SNX10: variants seen among roughly 807,000 people sequenced by gnomAD.
SNX10 encodes the protein sorting nexin-10.
A neutral mutation model predicts 28.5 loss-of-function variants in SNX10; 25 were observed. That is an observed-to-expected ratio of 0.88 (90% CI 0.64 to 1.22). The LOEUF (loss-of-function observed/expected upper bound fraction) is 1.22, where lower values mean the gene tolerates loss of function less well. Among genes scored for constraint, SNX10 ranks in the 50% most tolerant of loss-of-function variants. SNX10 has a pLI of 0.00. For synonymous variants in SNX10, 62 were observed against 81.4 expected (o/e 0.76, Z 1.28); for missense variants, 223 against 242.6 (o/e 0.92, Z 0.54).
rs997313699 is a variant in SNX10, at chr7:26,372,592, T to C, written c.*20T>C. ...TCCTGAAAAATAATTCTAATGTTACTATCTTAGGAATAGCAAATTATGTCC... is the reference window on the plus strand; with the variant it reads ...TCCTGAAAAATAATTCTAATGTTACCATCTTAGGAATAGCAAATTATGTCC... On this transcript the variant is annotated 3_prime_UTR_variant, in exon 7 of 7. Coordinates refer to ENST00000338523, the MANE Select transcript of SNX10 (RefSeq NM_013322.3). 7.0e-7 allele frequency: 1 copy of C among 1,432,200 alleles called. No individual in the cohort carries two copies. Among genetic ancestry groups the C allele is most frequent in the Non-Finnish European group, 9.9e-7 (1 of 1,014,824 alleles). 88.7% of individuals were successfully genotyped at this position (1,432,200 alleles called of 1,614,324 possible).
At position 26,374,278 on chromosome 7, in the gene SNX10, A is replaced by G. The variant is rs1360205023; in HGVS notation, c.*1706A>G. The G allele has an allele frequency of 2.0e-5, 3 of 152,124 alleles. No homozygotes were observed. Among genetic ancestry groups the G allele is most frequent in the Non-Finnish European group, 4.4e-5 (3 of 67,930 alleles). The allele number at this position is 152,124 out of a possible 1,614,324, so 9.4% of individuals were successfully genotyped here. On this transcript the variant is annotated 3_prime_UTR_variant, in exon 7 of 7. Coordinates refer to ENST00000338523, the MANE Select transcript of SNX10 (RefSeq NM_013322.3). ...TAATATTATGTAATGCCTAATACTT[A>G]GTATGTAAATGTCACGAGATCATTT...
At chr7:26,329,668 TACCTGCTTGAGGA>T (rs1179252270) in intron 1 of SNX10, among the ~76,000 whole-genome samples, 1 of 152,196 alleles carries the variant, frequency 6.6e-6, no homozygotes, top group Non-Finnish European at 1.5e-5. Context: ...TGATACCGTG[TACCTGCTTGAGGA>T]ACCTGCTTGA....
At position 26,360,752 on chromosome 7, in the gene SNX10, G is replaced by A. The variant is rs935581663; in HGVS notation, c.25-223G>A. 3.6e-5 allele frequency: 42 copies of A among 1,179,374 alleles called. No homozygotes were observed. The African/African-American group carries it at 5.6e-4, about 16-fold the overall frequency. 73.1% of individuals were successfully genotyped at this position (1,179,374 alleles called of 1,614,324 possible). ...ACTATCCAGAAGTGCTCCCACCTCAGTGTTGCATTATTTTAAAAATTCCAT... is the reference window on the plus strand; with the variant it reads ...ACTATCCAGAAGTGCTCCCACCTCAATGTTGCATTATTTTAAAAATTCCAT... On this transcript the variant is annotated intron_variant, in intron 2 of 6. Transcript: ENST00000338523.
chr7:26,358,803 G>GTGTTTT (rs1363717784), intron 2 of SNX10, among the ~76,000 whole-genome samples: 3 of 82,956 alleles, frequency 3.6e-5, no homozygotes, highest in African/African-American at 1.7e-4. Context: ...GTGTTATCTT[G>GTGTTTT]TGTTTTTTTT....
chr7:26,323,495 G>A (rs74967244), intron 1 of SNX10, among the ~76,000 whole-genome samples: 5,461 of 152,152 alleles, frequency 0.036, 199 homozygotes, highest in East Asian at 0.21. Context: ...AAGGGACAGA[G>A]AGAAGACGAG....
At chr7:26,299,700 A>T (rs551168397) in intron 1 of SNX10, among the ~76,000 whole-genome samples, 1 of 152,012 alleles carries the variant, frequency 6.6e-6, no homozygotes, top group Non-Finnish European at 1.5e-5. Flanking sequence ...CTGGGATTAC[A>T]GGTGTGAGCC....
rs138931285 is a variant in SNX10, at chr7:26,341,191, A to G, written c.-23-5229A>G. Among the ~76,000 whole-genome samples, 237 of 152,182 alleles carry G rather than the reference A, an allele frequency of 1.6e-3. 8 individuals are homozygous for G. The East Asian group carries it at 0.041, about 26-fold the overall frequency. On this transcript the variant is annotated intron_variant, in intron 1 of 6. Transcript: ENST00000338523. ...GCTTGTTCCTGTAGTCTCGGCTGCT[A>G]GGGAGGCTGAGGTGGGAGGATCACT...
chr7:26,312,410 A>G, intron 1 of SNX10, among the ~76,000 whole-genome samples: 1 of 152,258 alleles, frequency 6.6e-6, no homozygotes, highest in Non-Finnish European at 1.5e-5. Context: ...CCCTAATACA[A>G]AAAGAACTCC....
At chr7:26,292,779 G>A (rs1047147267) in intron 1 of SNX10, among the ~76,000 whole-genome samples, 1 of 152,206 alleles carries the variant, frequency 6.6e-6, no homozygotes, top group African/African-American at 2.4e-5. Context: ...ATTAGAACGG[G>A]GAGGAGGCTT....
rs1789684231 is a variant in SNX10 at position 26,374,087 on chromosome 7, T to C, written c.*1515T>C. On this transcript the variant is annotated 3_prime_UTR_variant, in exon 7 of 7. Transcript: ENST00000338523. ...AAGATTTAGTAATTTCTTACCATGC[T>C]AATATGTAAAGTTCATGCCATCCAG... 1 of 152,100 alleles carries C rather than the reference T, an allele frequency of 6.6e-6. No individual in the cohort carries two copies. Among genetic ancestry groups the C allele is most frequent in the South Asian group, 2.1e-4 (1 of 4,836 alleles). 9.4% of individuals were successfully genotyped at this position (152,100 alleles called of 1,614,324 possible).
chr7:26,303,213 C>G (rs1786446681), intron 1 of SNX10, among the ~76,000 whole-genome samples: 1 of 152,198 alleles, frequency 6.6e-6, no homozygotes, highest in African/African-American at 2.4e-5. Context: ...TCAGCTGTTG[C>G]TGGTTTTAAA....
intron 1 of SNX10, among the ~76,000 whole-genome samples, chr7:26,324,333 G>T (rs1291887420): frequency 6.6e-6 from 1 of 152,122 alleles, no homozygotes; most frequent in African/African-American, 2.4e-5. Context: ...TATGGTTAAG[G>T]TGACCAGGAA....
chr7:26,315,489 A>C (rs1787044467), intron 1 of SNX10, among the ~76,000 whole-genome samples: 1 of 152,026 alleles, frequency 6.6e-6, no homozygotes, highest in Admixed American at 6.6e-5. Flanking sequence ...TAACATGGTG[A>C]AACCCCGTCT....
intron 1 of SNX10, among the ~76,000 whole-genome samples, chr7:26,324,103 C>A (rs1253735864): frequency 6.6e-6 from 1 of 152,072 alleles, no homozygotes; most frequent in Non-Finnish European, 1.5e-5. Context: ...TTAAAATGAT[C>A]CTGAAGCAGC....
intron 1 of SNX10, among the ~76,000 whole-genome samples, chr7:26,302,957 A>G (rs1048865209): frequency 6.6e-6 from 1 of 152,164 alleles, no homozygotes; most frequent in African/African-American, 2.4e-5. Context: ...AAACAAAAAC[A>G]AAAACAAAAA....
At chr7:26,301,019 C>CAAAA (rs1170123330) in intron 1 of SNX10, among the ~76,000 whole-genome samples, 3 of 9,990 alleles carry the variant, frequency 3.0e-4, no homozygotes, top group African/African-American at 5.5e-4. Context: ...ACTCTGTCTC[C>CAAAA]AAAAAAAAAA....
At chr7:26,365,014 C>A (rs375107569) in intron 4 of SNX10, 33 bp from the exon 5 acceptor site, 2 of 1,344,820 alleles carry the variant, frequency 1.5e-6, no homozygotes, top group South Asian at 1.2e-5. Context: ...TTGAGTTAAT[C>A]ATTTAAAAAC....
chr7:26,314,959 C>G (rs1249417685), intron 1 of SNX10, among the ~76,000 whole-genome samples: 3 of 151,606 alleles, frequency 2.0e-5, no homozygotes, highest in East Asian at 3.9e-4. Context: ...GATTGTGCCA[C>G]TGTACTCCAG....
chr7:26,358,584 A>T (rs1009749872), intron 2 of SNX10, among the ~76,000 whole-genome samples: 17 of 151,870 alleles, frequency 1.1e-4, no homozygotes, highest in Non-Finnish European at 2.1e-4. Flanking sequence ...TAAAAAAATT[A>T]AAAAATTAGC....
Sources: allele counts gnomAD v4.1 joint callset (sites outside exome capture counted in the v4.1 genomes callset), GRCh38; gene constraint gnomAD v4.1.1; transcripts MANE v1.5; gene names NCBI Gene and HGNC (gene_info 2026-07-23, HGNC 2026-07-21).